CEP120: variants seen among roughly 807,000 people sequenced by gnomAD.
The protein encoded by CEP120 is centrosomal protein 120.
Under a neutral mutation model 126.5 loss-of-function variants are expected in CEP120, and 113 were observed. The ratio of observed to expected loss-of-function variants is 0.89; its 90% CI spans 0.77 to 1.04. The LOEUF is 1.04. Ranked by LOEUF, CEP120 falls within the 50% of genes least tolerant of loss-of-function variation. CEP120 has a pLI of 0.00. For missense variants in CEP120, 1,230 were observed against 1,155.7 expected (o/e 1.06, Z -0.93); for synonymous variants, 400 against 394.3 (o/e 1.01, Z -0.17).
In CEP120 at chr5:123,349,998, T is replaced by A; in HGVS notation, c.2672A>T (p.Asp891Val). ...RLRYLAAEEK[D>V]TVKTERQELL... Reference sequence around the variant, plus strand: ...TTCTTGTCGCTCGGTTTTTACTGTATCTTTTTCCTCAGCGGCAAGGTAACG... The same window carrying A: ...TTCTTGTCGCTCGGTTTTTACTGTAACTTTTTCCTCAGCGGCAAGGTAACG... Residue 891 changes from aspartate to valine, a missense_variant, in exon 19 of 20, where the codon GAT becomes GTT. By Grantham distance (152) the Asp-to-Val change is radical (BLOSUM62 -3). Transcript: ENST00000306467. The A allele has an allele frequency of 6.2e-7, 1 of 1,613,882 alleles. No individual in the cohort carries two copies. Among genetic ancestry groups the A allele is most frequent in the African/African-American group, 1.3e-5 (1 of 75,054 alleles).
chr5:123,386,526 G>A lies in CEP120; in HGVS notation c.1572C>T (p.Thr524=). ...FATMPHQLQD[T]FLRIPLLVEL... ...TACACTGTATGCATTACCTTAAGAA[G>A]GTGTCTTGCAGCTGATGAGGCATAG... The change falls in exon 10 of 20, where the codon ACC becomes ACT. Residue 524 remains threonine (T), a synonymous_variant. Transcript: ENST00000306467. 1 of 1,563,194 alleles carries A rather than the reference G, an allele frequency of 6.4e-7. No homozygotes were observed. Among genetic ancestry groups the A allele is most frequent in the Non-Finnish European group, 8.6e-7 (1 of 1,159,376 alleles).
chr5:123,401,149 C>G, intron 4 of CEP120: 1 of 1,608,712 alleles, frequency 6.2e-7, no homozygotes, highest in African/African-American at 1.3e-5. Context: ...AGCCGGCTCT[C>G]CTCGCCCTCC....
At chr5:123,420,060 T>C (rs1046302283) in intron 1 of CEP120, among the ~76,000 whole-genome samples, 1 of 152,196 alleles carries the variant, frequency 6.6e-6, no homozygotes, top group African/African-American at 2.4e-5. Context: ...CTGCTAACCT[T>C]GTGAGTTAAA....
At chr5:123,401,540 T>TC in intron 4 of CEP120, 1 of 1,317,574 alleles carries the variant, frequency 7.6e-7, no homozygotes, top group Non-Finnish European at 1.1e-6. Flanking sequence ...GGCGATCTCC[T>TC]CGTACTGTGC....
At chr5:123,377,968 A>G (rs1219755059) in intron 15 of CEP120, among the ~76,000 whole-genome samples, 2 of 152,146 alleles carry the variant, frequency 1.3e-5, no homozygotes, top group African/African-American at 2.4e-5. Context: ...TTCTTAATAT[A>G]TAAGATATGC....
In CEP120 at chr5:123,383,096, A is replaced by T; in HGVS notation, c.1764-14T>A. On this transcript the variant is annotated splice_polypyrimidine_tract_variant and intron_variant, in intron 11 of 19. Transcript: ENST00000306467. The stretch of plus-strand genomic sequence containing the variant: ...CTGTTATTTGATCTACAAATAAAAT[A>T]AGAAATACCTTAAAATTCACAGAAA... The T allele has an allele frequency of 1.5e-6, 2 of 1,312,742 alleles. No homozygotes were observed. Among genetic ancestry groups the T allele is most frequent in the Non-Finnish European group, 2.1e-6 (2 of 930,740 alleles). The allele number at this position is 1,312,742 out of a possible 1,614,324, so 81.3% of individuals were successfully genotyped here.
chr5:123,357,761 C>T (rs2126985590), intron 18 of CEP120, among the ~76,000 whole-genome samples: 1 of 152,076 alleles, frequency 6.6e-6, no homozygotes, highest in South Asian at 2.1e-4. Flanking sequence ...GAAAAGCAAA[C>T]GTAGGAAAAG....
intron 18 of CEP120, among the ~76,000 whole-genome samples, chr5:123,363,662 T>C (rs536536220): frequency 2.6e-5 from 4 of 151,654 alleles, no homozygotes; most frequent in East Asian, 3.9e-4. Flanking sequence ...TTAATTCTCA[T>C]GTAGACTGGT....
At chr5:123,422,427 A>G in intron 1 of CEP120, 2 of 1,242,114 alleles carry the variant, frequency 1.6e-6, no homozygotes, top group Non-Finnish European at 2.3e-6. Context: ...CTGACACTCA[A>G]TGAGTCCCAA....
intron 18 of CEP120, among the ~76,000 whole-genome samples, chr5:123,355,155 T>C (rs1285804269): frequency 1.3e-5 from 2 of 152,214 alleles, no homozygotes; most frequent in Non-Finnish European, 2.9e-5. Flanking sequence ...ATGGTGTATA[T>C]GCGCCATATT....
In CEP120 at chr5:123,346,756, G is replaced by A. The variant is rs751661393; in HGVS notation, c.2727-3C>T. The A allele has an allele frequency of 1.3e-6, 2 of 1,583,794 alleles. No homozygotes were observed. The highest frequency in any genetic ancestry group is 4.5e-5 in the East Asian group (2 of 44,256). ...GTTTTTGCTCTTGTTGCCTTAACCT[G>A]AGAAGTCAAGAACAAATGCCACTGT... On this transcript the variant is annotated splice_region_variant and splice_polypyrimidine_tract_variant and intron_variant, in intron 19 of 19. Coordinates refer to ENST00000306467, the MANE Select transcript of CEP120 (RefSeq NM_001375405.1).
rs55856215 is a variant in CEP120, at chr5:123,408,250, G to A, written c.463+4149C>T. ...GGAGCAAATTAGGTCCAAGTAAGCA[G>A]AAGATAATAATAAAAATTACAGCAA... On this transcript the variant is annotated intron_variant, in intron 4 of 19. Coordinates refer to ENST00000306467, the MANE Select transcript of CEP120 (RefSeq NM_001375405.1). 9.0e-4 allele frequency among the ~76,000 whole-genome samples: 137 copies of A among 152,046 alleles called. No homozygotes were observed. The Middle Eastern group carries it at 0.01, about 11-fold the overall frequency.
At chr5:123,373,210 A>G (rs1770968726) in intron 16 of CEP120, among the ~76,000 whole-genome samples, 1 of 152,188 alleles carries the variant, frequency 6.6e-6, no homozygotes, top group Non-Finnish European at 1.5e-5. Context: ...AGTAAGTGCA[A>G]GTTATCTGCC....
intron 8 of CEP120, 84 bp from the exon 9 acceptor site, chr5:123,388,690 C>T (rs780658774): frequency 9.2e-7 from 1 of 1,085,478 alleles, no homozygotes; most frequent in East Asian, 2.7e-5. Flanking sequence ...AGGCTATCAT[C>T]TCATTTACCT....
chr5:123,371,430 CAGG>C (rs1770847588), intron 17 of CEP120, among the ~76,000 whole-genome samples: 1 of 152,040 alleles, frequency 6.6e-6, no homozygotes, highest in African/African-American at 2.4e-5. Context: ...TATTCACTAT[CAGG>C]AGAACAGCAC....
At chr5:123,404,164 T>A (rs2127104908) in intron 4 of CEP120, among the ~76,000 whole-genome samples, 1 of 112,358 alleles carries the variant, frequency 8.9e-6, no homozygotes. Flanking sequence ...AATATTCTTC[T>A]TCATATTTCC....
At chr5:123,391,062 T>C in intron 7 of CEP120, 48 bp downstream of exon 7, 2 of 1,360,210 alleles carry the variant, frequency 1.5e-6, no homozygotes, top group Non-Finnish European at 2.1e-6. Context: ...TAAGTAATCA[T>C]GCATGGGACT....
At chr5:123,399,446 C>T (rs994853527) in intron 4 of CEP120, among the ~76,000 whole-genome samples, 162 bp from the exon 5 acceptor site, 2 of 152,124 alleles carry the variant, frequency 1.3e-5, no homozygotes, top group African/African-American at 4.8e-5. Flanking sequence ...ACCAAAGAAA[C>T]CTTACTTAAC....
At chr5:123,358,081 C>G (rs1221396549) in intron 18 of CEP120, among the ~76,000 whole-genome samples, 1 of 152,060 alleles carries the variant, frequency 6.6e-6, no homozygotes, top group African/African-American at 2.4e-5. Context: ...GTTCTCTTAT[C>G]CTGGATAAAA....
Sources: gnomAD v4.1 joint callset for allele counts (sites outside exome capture counted in the v4.1 genomes callset) on GRCh38, gnomAD v4.1.1 for gene constraint, MANE v1.5 for transcripts, NCBI Gene and HGNC (gene_info 2026-07-23, HGNC 2026-07-21) for gene names.